The following GRM8 variants were observed in gnomAD, a reference collection of about 807,000 sequenced individuals.
The protein encoded by GRM8 is metabotropic glutamate receptor 8.
GRM8 carries 47 observed loss-of-function variants against 87.2 expected under a neutral mutation model. The observed-to-expected ratio is 0.54, with a 90% CI of 0.43 to 0.69. The LOEUF (loss-of-function observed/expected upper bound fraction) is 0.69. Ranked by LOEUF, GRM8 falls within the 30% of genes least tolerant of loss-of-function variation. GRM8 has a pLI of 0.00. For missense variants in GRM8, 1,019 were observed against 1,139.2 expected (o/e 0.89, Z 1.52); for synonymous variants, 396 against 404.5 (o/e 0.98, Z 0.25).
chr7:126,597,715 G>A (rs992820564), intron 8 of GRM8, among the ~76,000 whole-genome samples: 32 of 151,886 alleles, frequency 2.1e-4, no homozygotes, highest in African/African-American at 4.3e-4. Context: ...CTTGCTTCAC[G>A]TTATGTCTTT....
chr7:126,456,519 T>TA (rs513), intron 9 of GRM8, among the ~76,000 whole-genome samples: 6,145 of 69,036 alleles, frequency 0.089, 886 homozygotes, highest in African/African-American at 0.14. Context: ...AGCAGCAAGC[T>TA]AAAAAAAAAA....
chr7:126,835,080 A>T (rs1402798700), intron 6 of GRM8, among the ~76,000 whole-genome samples: 1 of 120,846 alleles, frequency 8.3e-6, no homozygotes, highest in African/African-American at 2.9e-5. Flanking sequence ...TATCTCAAAA[A>T]AAAAATAAAA....
intron 2 of GRM8, among the ~76,000 whole-genome samples, chr7:127,168,290 T>A (rs1030634893): frequency 1.3e-5 from 2 of 152,116 alleles, no homozygotes; most frequent in African/African-American, 4.8e-5. Context: ...GAAATGCAAA[T>A]CAAAACCACA....
chr7:127,097,984 A>G (rs1475281285), intron 3 of GRM8, among the ~76,000 whole-genome samples: 2 of 152,218 alleles, frequency 1.3e-5, no homozygotes, highest in Non-Finnish European at 2.9e-5. Flanking sequence ...TGGGGTGAAG[A>G]ACAGCTTTGA....
intron 7 of GRM8, among the ~76,000 whole-genome samples, chr7:126,742,658 T>A (rs1253750663): frequency 6.6e-6 from 1 of 151,786 alleles, no homozygotes; most frequent in African/African-American, 2.4e-5. Context: ...CAAGTCCCCA[T>A]CCAGCAAAAT....
intron 6 of GRM8, among the ~76,000 whole-genome samples, chr7:126,816,836 A>G (rs934123188): frequency 2.6e-5 from 4 of 151,840 alleles, no homozygotes; most frequent in African/African-American, 7.3e-5. Context: ...CAATGGATTC[A>G]TCACCCAGTT....
intron 3 of GRM8, among the ~76,000 whole-genome samples, chr7:127,104,399 C>T (rs967359460): frequency 1.3e-5 from 2 of 152,066 alleles, no homozygotes; most frequent in Admixed American, 6.5e-5. Context: ...TAAGTTGCTA[C>T]CATTTGCCAT....
intron 2 of GRM8, among the ~76,000 whole-genome samples, chr7:127,205,127 C>T (rs1795828504): frequency 6.6e-6 from 1 of 152,194 alleles, no homozygotes; most frequent in South Asian, 2.1e-4. Flanking sequence ...TTACGTGGTA[C>T]TCTTGCCTTA....
At chr7:126,779,242 C>T (rs545270389) in intron 6 of GRM8, among the ~76,000 whole-genome samples, 186 of 152,096 alleles carry the variant, frequency 1.2e-3, no homozygotes, top group African/African-American at 4.4e-3. Context: ...AAATTGTGAA[C>T]CAATTCTCCC....
chr7:126,630,243 G>A (rs1232865985), intron 7 of GRM8, among the ~76,000 whole-genome samples: 1 of 151,926 alleles, frequency 6.6e-6, no homozygotes, highest in African/African-American at 2.4e-5. Context: ...CTATTTAACA[G>A]ATAACAATAT....
At chr7:126,803,265 C>G (rs1822930940) in intron 6 of GRM8, among the ~76,000 whole-genome samples, 1 of 152,082 alleles carries the variant, frequency 6.6e-6, no homozygotes, top group African/African-American at 2.4e-5. Context: ...CAGCAGGTGG[C>G]AATATTGGTT....
At chr7:127,069,458 C>T (rs1396922226) in intron 3 of GRM8, among the ~76,000 whole-genome samples, 2 of 151,776 alleles carry the variant, frequency 1.3e-5, no homozygotes, top group African/African-American at 4.8e-5. Flanking sequence ...GCCACTGTGC[C>T]TGGCCAATAA....
At chr7:126,803,430 A>T (rs1218699347) in intron 6 of GRM8, among the ~76,000 whole-genome samples, 2 of 152,220 alleles carry the variant, frequency 1.3e-5, no homozygotes, top group Non-Finnish European at 2.9e-5. Flanking sequence ...TCATAAACGT[A>T]TATACTTATA....
intron 3 of GRM8, among the ~76,000 whole-genome samples, chr7:126,993,548 T>C (rs1053479905): frequency 6.6e-6 from 1 of 152,154 alleles, no homozygotes; most frequent in African/African-American, 2.4e-5. Context: ...TCACAGTACC[T>C]GGTTTATATT....
intron 7 of GRM8, among the ~76,000 whole-genome samples, chr7:126,731,742 T>C (rs1813604006): frequency 6.6e-6 from 1 of 152,130 alleles, no homozygotes; most frequent in Admixed American, 6.6e-5. Context: ...TATGTATTCA[T>C]ATAATTTCTA....
intron 9 of GRM8, among the ~76,000 whole-genome samples, chr7:126,522,607 T>C (rs1240917936): frequency 1.3e-5 from 2 of 152,214 alleles, no homozygotes; most frequent in Non-Finnish European, 2.9e-5. Context: ...CCAGTTCTCC[T>C]TGTGGCTATC....
chr7:127,016,257 T>C (rs1447241311), intron 3 of GRM8, among the ~76,000 whole-genome samples: 1 of 152,054 alleles, frequency 6.6e-6, no homozygotes, highest in Non-Finnish European at 1.5e-5. Flanking sequence ...GAGGCACTAT[T>C]CCTCCCACGG....
At chr7:126,574,990 C>T (rs1173846972) in intron 8 of GRM8, among the ~76,000 whole-genome samples, 1 of 152,086 alleles carries the variant, frequency 6.6e-6, no homozygotes, top group Non-Finnish European at 1.5e-5. Context: ...AGAACTGGCT[C>T]GAATTCTCTG....
At chr7:127,058,257 T>C in intron 3 of GRM8, 1 of 420,434 alleles carries the variant, frequency 2.4e-6, no homozygotes, top group Non-Finnish European at 4.7e-6. Flanking sequence ...AAAGTTTCTC[T>C]TTGTTCTTGT....
Sources: gnomAD v4.1 joint callset for allele counts (sites outside exome capture counted in the v4.1 genomes callset) on GRCh38, gnomAD v4.1.1 for gene constraint, MANE v1.5 for transcripts, NCBI Gene and HGNC (gene_info 2026-07-23, HGNC 2026-07-21) for gene names.